MCC: variants seen among roughly 807,000 people sequenced by gnomAD.
The protein encoded by MCC is colorectal mutant cancer protein.
Under a neutral mutation model 116.2 loss-of-function variants are expected in MCC, and 90 were observed. That is an observed-to-expected ratio of 0.77 (90% confidence interval 0.65 to 0.92). The LOEUF (loss-of-function observed/expected upper bound fraction) is 0.92. Ranked by LOEUF, MCC falls within the 40% of genes least tolerant of loss-of-function variation. The pLI is 0.00. For missense variants in MCC, 1,516 were observed against 1,312.2 expected (o/e 1.16, Z -2.40); for synonymous variants, 578 against 510.5 (o/e 1.13, Z -1.78).
At chr5:113,091,528 G>A (rs1159088151) in intron 8 of MCC, among the ~76,000 whole-genome samples, 2 of 152,166 alleles carry the variant, frequency 1.3e-5, no homozygotes, top group African/African-American at 4.8e-5. Context: ...AAAGAGATAA[G>A]GGGAATAATT....
chr5:113,299,292 C>CAAAAAAAAAAAA (rs58372049), intron 3 of MCC, among the ~76,000 whole-genome samples: 9 of 52,078 alleles, frequency 1.7e-4, no homozygotes, highest in Non-Finnish European at 3.1e-4. Context: ...GACTCCGTCT[C>CAAAAAAAAAAAA]AAAAAAAAAA....
At chr5:113,087,824 C>G (rs980971253) in intron 8 of MCC, among the ~76,000 whole-genome samples, 2 of 149,952 alleles carry the variant, frequency 1.3e-5, no homozygotes, top group Non-Finnish European at 3.0e-5. Flanking sequence ...AAAAAAAATC[C>G]TGGGCAATTT....
intron 3 of MCC, among the ~76,000 whole-genome samples, chr5:113,258,378 G>C (rs1765097934): frequency 6.6e-6 from 1 of 152,234 alleles, no homozygotes; most frequent in Non-Finnish European, 1.5e-5. Context: ...GACCAGACTG[G>C]TACTGGTCTA....
At chr5:113,083,133 G>A (rs188443952) in intron 10 of MCC, 125 bp from the exon 11 acceptor site, 1 of 832,078 alleles carries the variant, frequency 1.2e-6, no homozygotes, top group Non-Finnish European at 1.8e-6. Flanking sequence ...TTACCCTGAA[G>A]GTTCTCAGTT....
At chr5:113,465,940 CA>C (rs1200575481) in intron 1 of MCC, among the ~76,000 whole-genome samples, 4 of 151,394 alleles carry the variant, frequency 2.6e-5, no homozygotes, top group African/African-American at 4.8e-5. Flanking sequence ...CATTAACCCA[CA>C]TTTTTTTTTT....
chr5:113,465,017 C>T (rs773729404), intron 1 of MCC, among the ~76,000 whole-genome samples: 1 of 151,644 alleles, frequency 6.6e-6, no homozygotes, highest in Non-Finnish European at 1.5e-5. Context: ...AATTTAGAAA[C>T]GTATCCTATT....
intron 1 of MCC, among the ~76,000 whole-genome samples, chr5:113,470,229 G>A (rs371836030): frequency 2.0e-5 from 3 of 152,288 alleles, no homozygotes; most frequent in African/African-American, 7.2e-5. Flanking sequence ...TCTTTATGAT[G>A]TTAGCTGGTT....
At chr5:113,144,588 C>A (rs1057410110) in intron 4 of MCC, among the ~76,000 whole-genome samples, 1 of 152,138 alleles carries the variant, frequency 6.6e-6, no homozygotes, top group South Asian at 2.1e-4. Context: ...AGGCTTTCAA[C>A]GATAAACTGA....
At chr5:113,392,830 T>C (rs1167316552) in intron 1 of MCC, among the ~76,000 whole-genome samples, 1 of 152,244 alleles carries the variant, frequency 6.6e-6, no homozygotes, top group Non-Finnish European at 1.5e-5. Flanking sequence ...ACAGAGATGT[T>C]AAATAACTAG....
intron 3 of MCC, among the ~76,000 whole-genome samples, chr5:113,314,090 A>G (rs1767214056): frequency 6.6e-6 from 1 of 151,948 alleles, no homozygotes; most frequent in African/African-American, 2.4e-5. Context: ...AAGTGCTGGG[A>G]TTACAGGTGT....
At chr5:113,061,979 C>T (rs6885728) in intron 14 of MCC, among the ~76,000 whole-genome samples, 2,286 of 152,316 alleles carry the variant, frequency 0.015, 57 homozygotes, top group African/African-American at 0.051. Flanking sequence ...TCTAAACCCA[C>T]GTTTAACATA....
intron 8 of MCC, among the ~76,000 whole-genome samples, chr5:113,098,508 C>T (rs185864623): frequency 1.3e-5 from 2 of 152,244 alleles, no homozygotes; most frequent in Admixed American, 1.3e-4. Flanking sequence ...ACATTAAGCC[C>T]AATTCTTTAT....
chr5:113,097,388 A>C (rs1001936204), intron 8 of MCC, among the ~76,000 whole-genome samples: 1 of 152,196 alleles, frequency 6.6e-6, no homozygotes, highest in Non-Finnish European at 1.5e-5. Context: ...ATAAATTAGA[A>C]CATTATAGAG....
At chr5:113,325,600 G>T (rs1767533325) in intron 3 of MCC, among the ~76,000 whole-genome samples, 1 of 151,846 alleles carries the variant, frequency 6.6e-6, no homozygotes, top group African/African-American at 2.4e-5. Flanking sequence ...AGAAACTTCA[G>T]TCTCGGTGGT....
chr5:113,057,052 G>A (rs1043677556), intron 14 of MCC, among the ~76,000 whole-genome samples: 1 of 152,140 alleles, frequency 6.6e-6, no homozygotes, highest in African/African-American at 2.4e-5. Flanking sequence ...GCGAGAGAGG[G>A]AGCTACGTGG....
chr5:113,374,597 G>T (rs2150390024), intron 2 of MCC, among the ~76,000 whole-genome samples: 1 of 152,184 alleles, frequency 6.6e-6, no homozygotes, highest in East Asian at 1.9e-4. Context: ...TCATTTGAAT[G>T]GTTAATTCTA....
At chr5:113,415,386 C>T (rs1770115515) in intron 1 of MCC, among the ~76,000 whole-genome samples, 2 of 152,170 alleles carry the variant, frequency 1.3e-5, no homozygotes, top group South Asian at 2.1e-4. Context: ...CCATTCTCCT[C>T]GTCACTTTCA....
intron 14 of MCC, among the ~76,000 whole-genome samples, chr5:113,054,791 G>A (rs147353862): frequency 3.7e-4 from 57 of 152,226 alleles, no homozygotes; most frequent in Middle Eastern, 6.8e-3. Flanking sequence ...CTGAACCCCA[G>A]GCCTGTGGCA....
intron 16 of MCC, among the ~76,000 whole-genome samples, chr5:113,044,765 G>T (rs993987992): frequency 2.0e-5 from 3 of 152,136 alleles, no homozygotes; most frequent in Non-Finnish European, 2.9e-5. Flanking sequence ...GTAGAGACGG[G>T]GTTTCTCCAT....
Sources: gnomAD v4.1 joint callset for allele counts (sites outside exome capture counted in the v4.1 genomes callset) on GRCh38, gnomAD v4.1.1 for gene constraint, MANE v1.5 for transcripts, NCBI Gene and HGNC (gene_info 2026-07-23, HGNC 2026-07-21) for gene names.